KCNIP4: variants seen among roughly 807,000 people sequenced by gnomAD.
The protein encoded by KCNIP4 is potassium voltage-gated channel interacting protein 4.
In KCNIP4, 12 loss-of-function variants were observed where a neutral mutation model predicts 34.0. The observed-to-expected ratio is 0.35, with a 90% CI of 0.23 to 0.57. The LOEUF is 0.57. KCNIP4 is among the 20% of genes least tolerant of loss of function. The pLI is 0.83. For missense variants in KCNIP4, 238 were observed against 311.7 expected (o/e 0.76, Z 1.78); for synonymous variants, 124 against 102.2 (o/e 1.21, Z -1.29).
At chr4:21,138,913 A>G (rs1751720728) in intron 1 of KCNIP4, among the ~76,000 whole-genome samples, 1 of 152,146 alleles carries the variant, frequency 6.6e-6, no homozygotes, top group Non-Finnish European at 1.5e-5. Flanking sequence ...TCCAGAAAGA[A>G]ACACGGGCCT....
intron 1 of KCNIP4, among the ~76,000 whole-genome samples, chr4:21,192,949 CTACTAA>C (rs1272508033): frequency 6.9e-5 from 10 of 144,586 alleles, no homozygotes; most frequent in Admixed American, 1.4e-4. Context: ...ACTACTACTA[CTACTAA>C]TAATAATAAT....
intron 1 of KCNIP4, among the ~76,000 whole-genome samples, chr4:21,414,099 T>C (rs1002994684): frequency 6.6e-6 from 1 of 151,794 alleles, no homozygotes; most frequent in Non-Finnish European, 1.5e-5. Context: ...ACAAAATCTA[T>C]AAGTAAATAT....
At chr4:21,138,530 TTC>T (rs1459082931) in intron 1 of KCNIP4, among the ~76,000 whole-genome samples, 2 of 104,504 alleles carry the variant, frequency 1.9e-5, no homozygotes, top group Non-Finnish European at 2.0e-5. Flanking sequence ...CTTTTTCTTC[TTC>T]TTTTTTTTGG....
chr4:21,536,605 C>T (rs1452757864), intron 1 of KCNIP4, among the ~76,000 whole-genome samples: 1 of 151,942 alleles, frequency 6.6e-6, no homozygotes, highest in African/African-American at 2.4e-5. Flanking sequence ...ATTGCAAAAC[C>T]CTGTCTTTAC....
At chr4:21,472,488 C>T (rs1374158395) in intron 1 of KCNIP4, among the ~76,000 whole-genome samples, 1 of 152,054 alleles carries the variant, frequency 6.6e-6, no homozygotes, top group Non-Finnish European at 1.5e-5. Flanking sequence ...TTAATCAGTG[C>T]ATTTCATTTC....
chr4:21,640,413 G>T (rs1746529030), intron 1 of KCNIP4, among the ~76,000 whole-genome samples: 1 of 152,188 alleles, frequency 6.6e-6, no homozygotes, highest in South Asian at 2.1e-4. Flanking sequence ...TTACACTTAG[G>T]ATGAAAAGTG....
chr4:21,317,315 A>G lies in KCNIP4; in HGVS notation c.62-434606T>C, dbSNP rs186741220. ...ATTTTGATTGATGAACATAGAAATCATTTTTATTAACTAATATGAAGTTGT... is the reference window on the plus strand; with the variant it reads ...ATTTTGATTGATGAACATAGAAATCGTTTTTATTAACTAATATGAAGTTGT... On this transcript the variant is annotated intron_variant, in intron 1 of 8. Coordinates refer to ENST00000382152, the MANE Select transcript of KCNIP4 (RefSeq NM_025221.6). Among the ~76,000 whole-genome samples, 417 of 152,250 alleles carry G rather than the reference A, an allele frequency of 2.7e-3. 2 individuals carry two copies. The highest frequency in any genetic ancestry group is 5.2e-3 in the Non-Finnish European group (352 of 68,014).
intron 1 of KCNIP4, among the ~76,000 whole-genome samples, chr4:20,911,991 G>C (rs1560564668): frequency 6.6e-6 from 1 of 152,136 alleles, no homozygotes. Context: ...TGCTTCCTCA[G>C]TACAACTATG....
intron 1 of KCNIP4, among the ~76,000 whole-genome samples, chr4:21,412,968 A>G (rs572867437): frequency 9.2e-5 from 14 of 152,124 alleles, no homozygotes; most frequent in African/African-American, 3.4e-4. Flanking sequence ...CCTCAGGGGG[A>G]GCTTCACTGC....
At chr4:21,030,607 A>G (rs1740938500) in intron 1 of KCNIP4, among the ~76,000 whole-genome samples, 1 of 152,178 alleles carries the variant, frequency 6.6e-6, no homozygotes, top group Non-Finnish European at 1.5e-5. Context: ...TAATCAAACC[A>G]TACCACACTG....
chr4:21,405,962 A>C (rs1163886899), intron 1 of KCNIP4, among the ~76,000 whole-genome samples: 1 of 152,100 alleles, frequency 6.6e-6, no homozygotes, highest in Non-Finnish European at 1.5e-5. Flanking sequence ...CAGCCTCTTG[A>C]GTAGCTGGGA....
At chr4:21,649,256 T>A (rs1747286099) in intron 1 of KCNIP4, among the ~76,000 whole-genome samples, 2 of 152,174 alleles carry the variant, frequency 1.3e-5, no homozygotes, top group Admixed American at 1.3e-4. Flanking sequence ...CTTTATACAG[T>A]GCTAATTTTT....
chr4:21,866,248 A>T lies in KCNIP4; in HGVS notation c.61+82323T>A, dbSNP rs188783269. On this transcript the variant is annotated intron_variant, in intron 1 of 8. Transcript: ENST00000382152. Reference sequence around the variant, plus strand: ...TTGCACATCTTCTCTGGATTCAGGCAAATCACAGCAAGTCTTCTCCATTTG... The same window carrying T: ...TTGCACATCTTCTCTGGATTCAGGCTAATCACAGCAAGTCTTCTCCATTTG... Among the ~76,000 whole-genome samples, 1,438 of 152,324 alleles carry T rather than the reference A, an allele frequency of 9.4e-3. 12 individuals are homozygous for T. Among genetic ancestry groups the T allele is most frequent in the Non-Finnish European group, 0.013 (900 of 68,022 alleles).
intron 1 of KCNIP4, among the ~76,000 whole-genome samples, chr4:20,950,128 A>T (rs1276808668): frequency 1.5e-5 from 1 of 66,846 alleles, no homozygotes; most frequent in Admixed American, 1.7e-4. Flanking sequence ...ATATTTTTTA[A>T]ATTAAAAAAA....
At chr4:21,912,209 T>G (rs747672851) in intron 1 of KCNIP4, among the ~76,000 whole-genome samples, 9 of 152,158 alleles carry the variant, frequency 5.9e-5, no homozygotes, top group Non-Finnish European at 8.8e-5. Flanking sequence ...ATTATGATAT[T>G]GTCCCTGTGT....
intron 1 of KCNIP4, among the ~76,000 whole-genome samples, chr4:21,529,740 T>C (rs1171594461): frequency 2.6e-5 from 4 of 152,146 alleles, no homozygotes; most frequent in African/African-American, 4.8e-5. Flanking sequence ...ATTATCATCA[T>C]TATGGTCTCT....
chr4:21,430,846 C>T (rs1318163553), intron 1 of KCNIP4, among the ~76,000 whole-genome samples: 1 of 138,944 alleles, frequency 7.2e-6, no homozygotes, highest in Admixed American at 7.1e-5. Context: ...TATACTGCTT[C>T]TAAATTGGAT....
chr4:21,715,199 T>C lies in KCNIP4; in HGVS notation c.61+233372A>G. Among the ~76,000 whole-genome samples, 2 of 151,366 alleles carry C rather than the reference T, an allele frequency of 1.3e-5. 1 individual carries two copies. The highest frequency in any genetic ancestry group is 1.3e-4 in the Admixed American group (2 of 15,158). ...GGGTTCACTCCATTCTCCTGCCTTA[T>C]CTTCCCAAGTACCTGGGACTACACC... On this transcript the variant is annotated intron_variant, in intron 1 of 8. Transcript: ENST00000382152.
At chr4:21,779,835 G>A (rs1719458896) in intron 1 of KCNIP4, among the ~76,000 whole-genome samples, 1 of 152,068 alleles carries the variant, frequency 6.6e-6, no homozygotes, top group East Asian at 1.9e-4. Flanking sequence ...GGAGGCTGAA[G>A]CAGGAGGATC....
Sources: gnomAD v4.1 joint callset for allele counts (sites outside exome capture counted in the v4.1 genomes callset) on GRCh38, gnomAD v4.1.1 for gene constraint, MANE v1.5 for transcripts, NCBI Gene and HGNC (gene_info 2026-07-23, HGNC 2026-07-21) for gene names.